CDH13: variants seen among roughly 807,000 people sequenced by gnomAD.
CDH13 encodes the protein cadherin-13.
Under a neutral mutation model 63.8 loss-of-function variants are expected in CDH13, and 24 were observed. The observed-to-expected ratio is 0.38, with a 90% CI of 0.27 to 0.53. The LOEUF is 0.53. Among genes scored for constraint, CDH13 ranks in the 20% least tolerant of loss-of-function variants. The pLI, the probability that CDH13 is intolerant of heterozygous loss-of-function variation, is 0.85. For missense variants in CDH13, 1,049 were observed against 903.1 expected, an observed-to-expected ratio of 1.16 and a Z score of -2.07; for synonymous variants, 503 against 355.3, an observed-to-expected ratio of 1.42 and a Z score of -4.67.
chr16:83,100,984 T>A (rs28752144), intron 3 of CDH13, among the ~76,000 whole-genome samples: 36 of 152,306 alleles, frequency 2.4e-4, no homozygotes, highest in Middle Eastern at 6.8e-3. Context: ...TTCTCATTTT[T>A]CATTTCCTAT....
At chr16:83,583,225 C>G (rs1309785300) in intron 7 of CDH13, among the ~76,000 whole-genome samples, 1 of 152,162 alleles carries the variant, frequency 6.6e-6, no homozygotes, top group Admixed American at 6.5e-5. Context: ...CCAGCTAATC[C>G]AAAATCATCT....
intron 6 of CDH13, among the ~76,000 whole-genome samples, chr16:83,460,133 T>G (rs1258810805): frequency 6.6e-6 from 1 of 152,164 alleles, no homozygotes; most frequent in Non-Finnish European, 1.5e-5. Flanking sequence ...AAATGACTAA[T>G]GTATAAAAAA....
At chr16:82,819,482 G>T (rs1381166027) in intron 1 of CDH13, among the ~76,000 whole-genome samples, 1 of 152,158 alleles carries the variant, frequency 6.6e-6, no homozygotes, top group Non-Finnish European at 1.5e-5. Flanking sequence ...TGTTCCTCCA[G>T]CTCTTTTGTC....
At chr16:83,186,311 G>C (rs2038523182) in intron 4 of CDH13, among the ~76,000 whole-genome samples, 1 of 151,622 alleles carries the variant, frequency 6.6e-6, no homozygotes, top group Admixed American at 6.6e-5. Flanking sequence ...GCTAATTTTT[G>C]TACTTTTAGT....
At chr16:83,456,548 AT>A (rs754765813) in intron 6 of CDH13, among the ~76,000 whole-genome samples, 11 of 152,154 alleles carry the variant, frequency 7.2e-5, no homozygotes, top group African/African-American at 1.9e-4. Flanking sequence ...GGAAGAGCAG[AT>A]ACTTGAGCCA....
chr16:82,707,881 T>G (rs1356198334), intron 1 of CDH13, among the ~76,000 whole-genome samples: 1 of 152,272 alleles, frequency 6.6e-6, no homozygotes, highest in East Asian at 1.9e-4. Context: ...TATGTGTCGG[T>G]TAGGGAAAGA....
intron 11 of CDH13, among the ~76,000 whole-genome samples, chr16:83,763,527 C>G (rs1053961178): frequency 1.3e-5 from 2 of 152,098 alleles, no homozygotes; most frequent in Admixed American, 6.6e-5. Flanking sequence ...GATACCTCAG[C>G]CTGTGGTCTT....
At chr16:83,432,262 C>T (rs1399146776) in intron 6 of CDH13, among the ~76,000 whole-genome samples, 1 of 152,182 alleles carries the variant, frequency 6.6e-6, no homozygotes, top group Non-Finnish European at 1.5e-5. Flanking sequence ...TGCTGGGACA[C>T]CATGGATCCG....
chr16:82,920,150 G>A (rs564317781), intron 2 of CDH13, among the ~76,000 whole-genome samples: 1 of 152,238 alleles, frequency 6.6e-6, no homozygotes, highest in South Asian at 2.1e-4. Flanking sequence ...AGGCCTGGCT[G>A]GGTGTATAAA....
chr16:83,487,028 A>T (rs1288110062), intron 7 of CDH13, among the ~76,000 whole-genome samples: 9 of 152,134 alleles, frequency 5.9e-5, no homozygotes, highest in Non-Finnish European at 1.3e-4. Context: ...GCTTCATCCA[A>T]GATCACACAG....
At chr16:82,699,362 C>T (rs1472264610) in intron 1 of CDH13, among the ~76,000 whole-genome samples, 2 of 152,154 alleles carry the variant, frequency 1.3e-5, no homozygotes, top group African/African-American at 4.8e-5. Flanking sequence ...CAGCTCCATC[C>T]TCCTGAGAAC....
chr16:83,347,491 C>T (rs934934734), intron 6 of CDH13, among the ~76,000 whole-genome samples: 5 of 152,110 alleles, frequency 3.3e-5, no homozygotes, highest in Admixed American at 2.0e-4. Context: ...TCACCTGTCC[C>T]GCTGAATTCA....
chr16:82,662,964 G>C (rs903262023), intron 1 of CDH13, among the ~76,000 whole-genome samples: 4 of 152,118 alleles, frequency 2.6e-5, no homozygotes, highest in African/African-American at 9.7e-5. Context: ...TGATGATTTC[G>C]AGTTAAAAAC....
chr16:82,772,437 C>T (rs1349903903), intron 1 of CDH13, among the ~76,000 whole-genome samples: 1 of 152,140 alleles, frequency 6.6e-6, no homozygotes, highest in Non-Finnish European at 1.5e-5. Context: ...CCTGCCCACA[C>T]AGGCTAGGCA....
intron 2 of CDH13, among the ~76,000 whole-genome samples, chr16:82,906,969 C>A (rs1382849076): frequency 1.3e-5 from 2 of 152,150 alleles, no homozygotes. Context: ...TCTGCAAAGG[C>A]CTTATTTCCA....
At chr16:83,105,374 T>C (rs570325516) in intron 3 of CDH13, among the ~76,000 whole-genome samples, 6 of 152,236 alleles carry the variant, frequency 3.9e-5, no homozygotes, top group Non-Finnish European at 7.3e-5. Context: ...AACCACCACA[T>C]GTGAAGTCGA....
Position 83,076,304 on chromosome 16 carries a change from C to T in CDH13, c.366+44086C>T, listed in dbSNP as rs7204828. On this transcript the variant is annotated intron_variant, in intron 3 of 13. Coordinates refer to ENST00000567109, the MANE Select transcript of CDH13 (RefSeq NM_001257.5). ...AACTAGGAAATGACTGAAGCATTCA[C>T]CCTCATTTCTAAGTATTGTAAGTGT... Among the ~76,000 whole-genome samples, 904 of 152,236 alleles carry T rather than the reference C, an allele frequency of 5.9e-3. 12 individuals carry two copies. The highest frequency in any genetic ancestry group is 0.021 in the African/African-American group (879 of 41,536).
chr16:82,969,072 A>T (rs1908305211), intron 2 of CDH13, among the ~76,000 whole-genome samples: 1 of 152,194 alleles, frequency 6.6e-6, no homozygotes, highest in African/African-American at 2.4e-5. Flanking sequence ...GCATCACTGC[A>T]CTCCAGCCTG....
chr16:83,736,688 G>A (rs1911570025), intron 10 of CDH13, among the ~76,000 whole-genome samples: 1 of 152,194 alleles, frequency 6.6e-6, no homozygotes, highest in African/African-American at 2.4e-5. Flanking sequence ...CGGAAACTAT[G>A]TCAATCACCC....
Sources: allele counts gnomAD v4.1 joint callset (sites outside exome capture counted in the v4.1 genomes callset), GRCh38; gene constraint gnomAD v4.1.1; transcripts MANE v1.5; gene names NCBI Gene and HGNC (gene_info 2026-07-23, HGNC 2026-07-21).